The following ROBO2 variants were observed in gnomAD, a reference collection of about 807,000 sequenced individuals.
The protein encoded by ROBO2 is roundabout homolog 2.
A neutral mutation model predicts 160.8 loss-of-function variants in ROBO2; 53 were observed. The observed-to-expected ratio is 0.33, with a 90% CI of 0.26 to 0.41. The LOEUF (loss-of-function observed/expected upper bound fraction) is 0.41. Ranked by LOEUF, ROBO2 falls within the 10% of genes least tolerant of loss-of-function variation. The pLI is 1.00. For missense variants in ROBO2, 1,577 were observed against 1,722.4 expected, an observed-to-expected ratio of 0.92 and a Z score of 1.49; for synonymous variants, 664 against 611.7, an observed-to-expected ratio of 1.09 and a Z score of -1.26.
chr3:77,222,876 A>T (rs2151211947), intron 2 of ROBO2, among the ~76,000 whole-genome samples: 1 of 152,356 alleles, frequency 6.6e-6, no homozygotes, highest in South Asian at 2.1e-4. Context: ...CATCTGGTGT[A>T]CAAAGCACTT....
chr3:76,327,134 G>C (rs1022008456), intron 2 of ROBO2, among the ~76,000 whole-genome samples: 3 of 151,884 alleles, frequency 2.0e-5, no homozygotes, highest in Non-Finnish European at 4.4e-5. Context: ...AATGCCCAAG[G>C]AGCATTTTAT....
intron 2 of ROBO2, among the ~76,000 whole-genome samples, chr3:76,177,299 A>G (rs570695597): frequency 6.6e-6 from 1 of 152,294 alleles, no homozygotes; most frequent in South Asian, 2.1e-4. Flanking sequence ...TAGTTTATTC[A>G]TCTGGATAAA....
chr3:76,262,007 C>T (rs1046211228), intron 2 of ROBO2, among the ~76,000 whole-genome samples: 1 of 152,040 alleles, frequency 6.6e-6, no homozygotes, highest in African/African-American at 2.4e-5. Flanking sequence ...ATTTAATTGT[C>T]TTTATGCAGA....
upstream of ROBO2, among the ~76,000 whole-genome samples, chr3:77,038,476 A>G (rs1163718683): frequency 6.6e-6 from 1 of 151,896 alleles, no homozygotes; most frequent in African/African-American, 2.4e-5. Flanking sequence ...TGCAAGGGAG[A>G]CCTAAGTTAA....
chr3:77,602,661 G>GCCACCACCACCGCCACCA (rs2094452877), intron 20 of ROBO2, among the ~76,000 whole-genome samples, 170 bp downstream of exon 21: 1 of 128,242 alleles, frequency 7.8e-6, no homozygotes, highest in Admixed American at 7.9e-5. Context: ...CACCACCACC[G>GCCACCACCACCGCCACCA]CCACCACCAC....
chr3:77,352,003 C>T (rs566379568), intron 2 of ROBO2, among the ~76,000 whole-genome samples: 25 of 151,056 alleles, frequency 1.7e-4, no homozygotes, highest in Non-Finnish European at 3.1e-4. Flanking sequence ...TGCTAAATGA[C>T]GAGTTAATGG....
intron 19 of ROBO2, among the ~76,000 whole-genome samples, chr3:77,597,011 C>T (rs1026667157): frequency 6.6e-6 from 1 of 151,880 alleles, no homozygotes; most frequent in Non-Finnish European, 1.5e-5. Flanking sequence ...AATATATATG[C>T]TTTCAGGATT....
intron 2 of ROBO2, among the ~76,000 whole-genome samples, chr3:76,814,295 C>T (rs187255228): frequency 2.6e-4 from 40 of 152,072 alleles, no homozygotes; most frequent in Admixed American, 2.0e-3. Context: ...AGAGATGGTG[C>T]GAGAAAGAAT....
intron 2 of ROBO2, among the ~76,000 whole-genome samples, chr3:76,637,163 A>G (rs1030442476): frequency 1.3e-5 from 2 of 152,156 alleles, no homozygotes; most frequent in Admixed American, 6.5e-5. Flanking sequence ...AGTGTTCACA[A>G]CGTTCACAAC....
At chr3:76,908,439 T>G (rs2075760942) in intron 2 of ROBO2, among the ~76,000 whole-genome samples, 1 of 152,182 alleles carries the variant, frequency 6.6e-6, no homozygotes, top group African/African-American at 2.4e-5. Context: ...GTCATTGATG[T>G]GACACCATCT....
intron 2 of ROBO2, among the ~76,000 whole-genome samples, chr3:76,992,552 A>AG (rs2060743534): frequency 1.3e-5 from 2 of 151,674 alleles, no homozygotes; most frequent in Admixed American, 1.3e-4. Context: ...TAATTTCGTG[A>AG]GAAAAAAAAT....
chr3:77,248,985 C>A (rs1003109412), intron 2 of ROBO2, among the ~76,000 whole-genome samples: 1 of 152,122 alleles, frequency 6.6e-6, no homozygotes, highest in Non-Finnish European at 1.5e-5. Flanking sequence ...TCAAGCGATC[C>A]TCCTGCCTCA....
chr3:75,978,342 A>G (rs776416269), intron 2 of ROBO2, among the ~76,000 whole-genome samples: 5 of 151,506 alleles, frequency 3.3e-5, no homozygotes, highest in Non-Finnish European at 7.4e-5. Flanking sequence ...AAATTATTCA[A>G]TAAGGTTTAG....
At chr3:76,031,530 A>G (rs1001253934) in intron 2 of ROBO2, among the ~76,000 whole-genome samples, 11 of 152,156 alleles carry the variant, frequency 7.2e-5, no homozygotes, top group African/African-American at 2.4e-4. Context: ...ATTTTGAGAT[A>G]GGTCCCATCA....
chr3:76,654,369 A>T (rs1034042721), intron 2 of ROBO2, among the ~76,000 whole-genome samples: 1 of 152,146 alleles, frequency 6.6e-6, no homozygotes, highest in Non-Finnish European at 1.5e-5. Context: ...TGATGAAAAA[A>T]ACCTTCTGCA....
chr3:77,418,621 T>A (rs1215099232), intron 2 of ROBO2, among the ~76,000 whole-genome samples: 1 of 151,650 alleles, frequency 6.6e-6, no homozygotes, highest in Admixed American at 6.5e-5. Flanking sequence ...TACATTCATA[T>A]GACAGATCGC....
Position 76,676,561 on chromosome 3 carries a change from G to C in ROBO2, c.110-421453G>C, listed in dbSNP as rs1464006446. 2.6e-5 allele frequency among the ~76,000 whole-genome samples: 4 copies of C among 152,156 alleles called. No homozygotes were observed. In the East Asian group the frequency reaches 7.7e-4, roughly 29 times the overall value. Reference sequence around the variant, plus strand: ...TTTGTGTGTGTAAGTGTGTGTGTGTGATTTCTTTTTTGCGTGCACGTTTGT... The same window carrying C: ...TTTGTGTGTGTAAGTGTGTGTGTGTCATTTCTTTTTTGCGTGCACGTTTGT... On this transcript the variant is annotated intron_variant, in intron 2 of 26. Transcript: ENST00000487694.
chr3:76,234,275 T>C (rs1473701136), intron 2 of ROBO2, among the ~76,000 whole-genome samples: 2 of 152,166 alleles, frequency 1.3e-5, no homozygotes, highest in East Asian at 3.8e-4. Context: ...AATGAACATA[T>C]GTCTTTATGG....
At chr3:77,114,649 T>G (rs2074016472) in intron 2 of ROBO2, among the ~76,000 whole-genome samples, 1 of 152,192 alleles carries the variant, frequency 6.6e-6, no homozygotes, top group Non-Finnish European at 1.5e-5. Context: ...TTTGAAAGAT[T>G]ATGCACACCT....
Sources: allele counts gnomAD v4.1 joint callset (sites outside exome capture counted in the v4.1 genomes callset), GRCh38; gene constraint gnomAD v4.1.1; transcripts MANE v1.5; gene names NCBI Gene and HGNC (gene_info 2026-07-23, HGNC 2026-07-21).